The following BBS9 variants were observed in gnomAD, a reference collection of about 807,000 sequenced individuals.
BBS9 encodes Bardet-Biedl syndrome 9, also known as protein PTHB1.
In BBS9, 89 loss-of-function variants were observed where a neutral mutation model predicts 117.7. The observed-to-expected ratio is 0.76, with a 90% CI of 0.64 to 0.90. The LOEUF (loss-of-function observed/expected upper bound fraction) is 0.90. Ranked by LOEUF, BBS9 falls within the 40% of genes least tolerant of loss-of-function variation. BBS9 has a pLI of 0.00. For missense variants in BBS9, 982 were observed against 1,042.2 expected (o/e 0.94, Z 0.80); for synonymous variants, 379 against 370.9 (o/e 1.02, Z -0.25).
At chr7:33,431,150 A>T (rs957230989) in intron 19 of BBS9, among the ~76,000 whole-genome samples, 13 of 151,540 alleles carry the variant, frequency 8.6e-5, no homozygotes, top group Non-Finnish European at 1.9e-4. Flanking sequence ...AGCCAAGATC[A>T]TGCCACTGCA....
At chr7:33,508,655 G>A (rs890084554) in intron 20 of BBS9, among the ~76,000 whole-genome samples, 13 of 152,210 alleles carry the variant, frequency 8.5e-5, no homozygotes, top group Non-Finnish European at 1.6e-4. Context: ...CACAAATTCA[G>A]AGGTAAAATT....
intron 21 of BBS9, among the ~76,000 whole-genome samples, chr7:33,619,609 A>G (rs1865307490): frequency 6.6e-6 from 1 of 152,214 alleles, no homozygotes; most frequent in African/African-American, 2.4e-5. Context: ...ATGTTAGGTC[A>G]CAAAACAAGT....
intron 11 of BBS9, among the ~76,000 whole-genome samples, chr7:33,344,121 G>A (rs1395453826): frequency 2.7e-5 from 3 of 110,786 alleles, no homozygotes; most frequent in African/African-American, 7.2e-5. Flanking sequence ...AGTCTCTGTC[G>A]CCCAGGCTGG....
At chr7:33,286,580 G>A (rs1562939392) in intron 9 of BBS9, among the ~76,000 whole-genome samples, 1 of 152,068 alleles carries the variant, frequency 6.6e-6, no homozygotes, top group Non-Finnish European at 1.5e-5. Flanking sequence ...ATTTTTATGG[G>A]TTCCTGAGAA....
intron 10 of BBS9, among the ~76,000 whole-genome samples, chr7:33,337,171 C>T (rs992496062): frequency 1.2e-4 from 18 of 152,030 alleles, no homozygotes; most frequent in African/African-American, 3.6e-4. Flanking sequence ...TTTCAGTTCC[C>T]GAGTTTTGAA....
At chr7:33,147,951 G>A (rs1388478736) in intron 2 of BBS9, among the ~76,000 whole-genome samples, 1 of 150,060 alleles carries the variant, frequency 6.7e-6, no homozygotes, top group African/African-American at 2.4e-5. Flanking sequence ...TCATAATATT[G>A]TGGGGTGATT....
intron 19 of BBS9, among the ~76,000 whole-genome samples, chr7:33,414,429 T>G (rs1443468413): frequency 1.3e-5 from 2 of 152,120 alleles, no homozygotes; most frequent in Non-Finnish European, 2.9e-5. Context: ...TGTAGAAAAT[T>G]TATAAAATTC....
At chr7:33,268,294 T>C (rs1799156537) in intron 7 of BBS9, among the ~76,000 whole-genome samples, 1 of 152,246 alleles carries the variant, frequency 6.6e-6, no homozygotes, top group South Asian at 2.1e-4. Flanking sequence ...TCCAGAGTTC[T>C]GTCTGTATGC....
At chr7:33,622,466 A>G (rs923044180) in intron 21 of BBS9, among the ~76,000 whole-genome samples, 2 of 152,198 alleles carry the variant, frequency 1.3e-5, no homozygotes, top group African/African-American at 4.8e-5. Context: ...TCACCACACA[A>G]AAAATGAAAA....
intron 5 of BBS9, among the ~76,000 whole-genome samples, chr7:33,224,131 C>T (rs1395351776): frequency 6.6e-6 from 1 of 152,034 alleles, no homozygotes; most frequent in Non-Finnish European, 1.5e-5. Flanking sequence ...ATTTATAATA[C>T]TACTAATAAC....
chr7:33,383,918 T>C, intron 18 of BBS9, 80 bp downstream of exon 18: 3 of 1,414,940 alleles, frequency 2.1e-6, no homozygotes, highest in Non-Finnish European at 2.9e-6. Context: ...GGATTCTGTA[T>C]GCATGCCATT....
chr7:33,147,864 G>A (rs368771152), intron 2 of BBS9, among the ~76,000 whole-genome samples: 107 of 152,222 alleles, frequency 7.0e-4, no homozygotes, highest in Non-Finnish European at 1.1e-3. Flanking sequence ...TCTGTTTTCC[G>A]AAGCTTGCTA....
chr7:33,449,596 C>G (rs1837492494), intron 19 of BBS9, among the ~76,000 whole-genome samples: 1 of 152,050 alleles, frequency 6.6e-6, no homozygotes, highest in Admixed American at 6.6e-5. Context: ...TTCATATAAG[C>G]CAAGTTTAAT....
At chr7:33,346,670 T>C (rs1352659371) in intron 12 of BBS9, among the ~76,000 whole-genome samples, 1 of 152,168 alleles carries the variant, frequency 6.6e-6, no homozygotes, top group African/African-American at 2.4e-5. Context: ...GCCTAGCCCA[T>C]TGTTGGGGTT....
At chr7:33,282,285 C>G (rs757323242) in intron 9 of BBS9, among the ~76,000 whole-genome samples, 2 of 152,138 alleles carry the variant, frequency 1.3e-5, no homozygotes, top group African/African-American at 2.4e-5. Flanking sequence ...TTTGTTGGCA[C>G]TTTTAAATAT....
chr7:33,300,973 C>T (rs1233261521), intron 9 of BBS9, among the ~76,000 whole-genome samples: 3 of 152,084 alleles, frequency 2.0e-5, no homozygotes, highest in Non-Finnish European at 4.4e-5. Flanking sequence ...TTTCTTTCAG[C>T]ACTTTGAAGA....
At chr7:33,129,533 C>A (rs1738345681), upstream of BBS9, 1 of 169,590 alleles carries the variant, frequency 5.9e-6, no homozygotes, top group African/African-American at 2.4e-5. Flanking sequence ...CACGGCGTGA[C>A]CTGCGCAGTG....
intron 21 of BBS9, among the ~76,000 whole-genome samples, chr7:33,561,275 A>G (rs1002580708): frequency 2.0e-5 from 3 of 152,112 alleles, no homozygotes; most frequent in African/African-American, 7.2e-5. Context: ...CTCTCCGCCC[A>G]ACTCCACCCT....
At chr7:33,318,309 C>A (rs1584292669) in intron 9 of BBS9, among the ~76,000 whole-genome samples, 1 of 152,264 alleles carries the variant, frequency 6.6e-6, no homozygotes, top group South Asian at 2.1e-4. Context: ...GTATTTGCTT[C>A]TTTTGGAGTC....
Sources: gnomAD v4.1 joint callset for allele counts (sites outside exome capture counted in the v4.1 genomes callset) on GRCh38, gnomAD v4.1.1 for gene constraint, MANE v1.5 for transcripts, NCBI Gene and HGNC (gene_info 2026-07-23, HGNC 2026-07-21) for gene names.